KRTAP13-2: variants seen among roughly 807,000 people sequenced by gnomAD.
KRTAP13-2 encodes the protein keratin associated protein 13-2.
For synonymous variants in KRTAP13-2, 92 were observed against 87.4 expected (o/e 1.05, Z -0.30); for missense variants, 231 against 212.4 (o/e 1.09, Z -0.55).
chr21:30,372,007 G>A lies in KRTAP13-2; in HGVS notation c.207C>T (p.Ser69=). 6.2e-7 allele frequency: 1 copy of A among 1,614,036 alleles called. No individual in the cohort carries two copies. Among genetic ancestry groups the A allele is most frequent in the Non-Finnish European group, 8.5e-7 (1 of 1,179,928 alleles). Residue 69 remains serine, a synonymous_variant, in exon 1 of 1, where the codon TCC becomes TCT. Coordinates refer to ENST00000399889, the MANE Select transcript of KRTAP13-2 (RefSeq NM_181621.4). ...ICWEPTSCQT[S]YVESSPCQTS... Reference sequence around the variant, plus strand: ...TCTGGCAGGGGCTGGACTCCACATAGGACGTCTGGCAGCTGGTGGGCTCCC... The same window carrying A: ...TCTGGCAGGGGCTGGACTCCACATAAGACGTCTGGCAGCTGGTGGGCTCCC...
In KRTAP13-2 at chr21:30,372,183, A is replaced by G. The variant is rs577128231; in HGVS notation, c.31T>C (p.Ser11Pro). Reference sequence around the variant, plus strand: ...AGGTAGTCACCACAGGAGCGGGAGGAGAAGTTTCCAGAGCAGCAGTTGTAG... The same window carrying G: ...AGGTAGTCACCACAGGAGCGGGAGGGGAAGTTTCCAGAGCAGCAGTTGTAG... MSYNCCSGNF[S>P]SRSCGDYLRY... Residue 11 changes from serine to proline, a missense_variant, in exon 1 of 1, where the codon TCC (serine) becomes CCC (proline). Coordinates refer to ENST00000399889, the MANE Select transcript of KRTAP13-2 (RefSeq NM_181621.4). 23 of 1,613,792 alleles carry G rather than the reference A, an allele frequency of 1.4e-5. No individual in the cohort carries two copies. The highest frequency in any genetic ancestry group is 3.3e-5 in the South Asian group (3 of 91,058).
chr21:30,371,822 C>G lies in KRTAP13-2; in HGVS notation c.392G>C (p.Gly131Ala), dbSNP rs1019280712. ...GCGSSGVRSL[G>A]YGSCGFPSLG... The stretch of plus-strand genomic sequence containing the variant: ...GGAAGGGAAGCCACAGCTTCCATAA[C>G]CCAGGGATCTGACACCACTGGACCC... The change falls in exon 1 of 1, where the codon GGT becomes GCT. Residue 131 changes from glycine to alanine, a missense_variant. Physicochemically the swap from Gly to Ala is moderately conservative, Grantham distance 60 (BLOSUM62 0). Transcript: ENST00000399889. The G allele has an allele frequency of 1.9e-6, 3 of 1,613,982 alleles. No individual in the cohort carries two copies. In the Admixed American group the frequency reaches 5.0e-5, roughly 27 times the overall value.
At chr21:30,372,169 A>T in the KRTAP13-2 span, 32 of 1,614,084 alleles carry the variant, frequency 2.0e-5, no homozygotes, top group East Asian at 7.1e-4. Context: ...GGTAGTCACC[A>T]CAGGAGCGGG....
In KRTAP13-2 at chr21:30,371,648, G is replaced by C; in HGVS notation, c.*38C>G. Reference sequence around the variant, plus strand: ...GAAATGCCTATGATAACAGCTCTACGTAGAGACTGAGACACTTTGCTTAAA... The same window carrying C: ...GAAATGCCTATGATAACAGCTCTACCTAGAGACTGAGACACTTTGCTTAAA... On this transcript the variant is annotated 3_prime_UTR_variant, in exon 1 of 1. Coordinates refer to ENST00000399889, the MANE Select transcript of KRTAP13-2 (RefSeq NM_181621.4). 6.3e-7 allele frequency: 1 copy of C among 1,588,280 alleles called. No individual in the cohort carries two copies. The highest frequency in any genetic ancestry group is 8.6e-7 in the Non-Finnish European group (1 of 1,165,068).
chr21:30,372,128 G>A lies in KRTAP13-2; in HGVS notation c.86C>T (p.Ser29Phe). The A allele has an allele frequency of 6.2e-7, 1 of 1,614,182 alleles. No individual in the cohort carries two copies. The highest frequency in any genetic ancestry group is 1.1e-5 in the South Asian group (1 of 91,090). Reference protein sequence around the residue: ...LRYPASSRGFSYPSNLVYSTD... With the variant: ...LRYPASSRGFFYPSNLVYSTD... ...GCTGTAGACCAGATTGCTGGGGTAG[G>A]AAAAGCCACGTGAGGATGCTGGGTA... The change falls in exon 1 of 1, where the codon TCC becomes TTC. Residue 29 changes from serine (S) to phenylalanine (F), a missense_variant. Physicochemically the swap from Ser to Phe is radical, Grantham distance 155. Transcript: ENST00000399889.
Position 30,371,493 on chromosome 21 carries a change from T to C in KRTAP13-2, c.*193A>G, listed in dbSNP as rs1309934835. 3.5e-6 allele frequency: 2 copies of C among 568,762 alleles called. No homozygotes were observed. Among genetic ancestry groups the C allele is most frequent in the Non-Finnish European group, 6.2e-6 (2 of 322,882 alleles). 35.2% of individuals were successfully genotyped at this position (568,762 alleles called of 1,614,324 possible). ...TAACGAATCACTTGTTTCAAAATTATAGACATTTGACTCTATATTTTGCTC... is the reference window on the plus strand; with the variant it reads ...TAACGAATCACTTGTTTCAAAATTACAGACATTTGACTCTATATTTTGCTC... On this transcript the variant is annotated 3_prime_UTR_variant, in exon 1 of 1. Transcript: ENST00000399889.
rs1263202347 is a variant in KRTAP13-2, at chr21:30,372,256, T to G, written c.-43A>C. The G allele has an allele frequency of 2.5e-6, 4 of 1,572,876 alleles. No homozygotes were observed. Among genetic ancestry groups the G allele is most frequent in the Non-Finnish European group, 3.5e-6 (4 of 1,157,086 alleles). On this transcript the variant is annotated 5_prime_UTR_variant, in exon 1 of 1. Transcript: ENST00000399889. The stretch of plus-strand genomic sequence containing the variant: ...GTTCAGCTGAGTTATAGTGGAAAGA[T>G]TCTCTGAGTTTGAATGTCATAGTCT...
rs1030788412 is a variant in KRTAP13-2 at position 30,371,597 on chromosome 21, G to T, written c.*89C>A. Reference sequence around the variant, plus strand: ...CCAGAGAAAGGATGAAGAGCTAGTAGTAAGAGGGGTTAGCTCACATTGCTG... The same window carrying T: ...CCAGAGAAAGGATGAAGAGCTAGTATTAAGAGGGGTTAGCTCACATTGCTG... On this transcript the variant is annotated 3_prime_UTR_variant, in exon 1 of 1. Transcript: ENST00000399889. 2.4e-6 allele frequency: 3 copies of T among 1,254,290 alleles called. No individual in the cohort carries two copies. The highest frequency in any genetic ancestry group is 3.4e-6 in the Non-Finnish European group (3 of 889,538). 77.7% of individuals were successfully genotyped at this position (1,254,290 alleles called of 1,614,324 possible).
Position 30,371,993 on chromosome 21 carries a change from C to T in KRTAP13-2, c.221G>A (p.Ser74Asn). The T allele has an allele frequency of 1.2e-6, 2 of 1,614,048 alleles. No individual in the cohort carries two copies. The highest frequency in any genetic ancestry group is 2.2e-5 in the East Asian group (1 of 44,864). The change falls in exon 1 of 1, where the codon AGC becomes AAC. Residue 74 changes from serine to asparagine, a missense_variant. By Grantham distance (46) the Ser-to-Asn change is conservative. Transcript: ENST00000399889. The part of the protein sequence containing the change: ...TSCQTSYVES[S>N]PCQTSCYRPR... ...GCGGTAGCAGGAGGTCTGGCAGGGGCTGGACTCCACATAGGACGTCTGGCA... is the reference window on the plus strand; with the variant it reads ...GCGGTAGCAGGAGGTCTGGCAGGGGTTGGACTCCACATAGGACGTCTGGCA...
Position 30,371,534 on chromosome 21 carries a change from A to C in KRTAP13-2, c.*152T>G. 1 of 707,782 alleles carries C rather than the reference A, an allele frequency of 1.4e-6. No homozygotes were observed. 43.8% of individuals were successfully genotyped at this position (707,782 alleles called of 1,614,324 possible). A position where few individuals can be genotyped will look rare whatever the true frequency, so the allele number is the denominator to read the frequency against. ...TATTTTGCTCATTCATTAATTTCAC[A>C]GTCTGAAAGAACTAGCCTGTCCAGC... On this transcript the variant is annotated 3_prime_UTR_variant, in exon 1 of 1. Transcript: ENST00000399889.
rs113118005 is a variant in KRTAP13-2 at position 30,371,770 on chromosome 21, G to A, written c.444C>T (p.Arg148=). The change falls in exon 1 of 1, where the codon CGC becomes CGT. Residue 148 remains arginine, a synonymous_variant. Coordinates refer to ENST00000399889, the MANE Select transcript of KRTAP13-2 (RefSeq NM_181621.4). Reference sequence around the variant, plus strand: ...AGCTCCTAGAAGCCAAGTAGGTTGGGCGGCAGAATCCAGATCCATAGCCGA... The same window carrying A: ...AGCTCCTAGAAGCCAAGTAGGTTGGACGGCAGAATCCAGATCCATAGCCGA... ...PSLGYGSGFC[R]PTYLASRSCQ... is the part of the protein sequence containing the mutation. 1.5e-4 allele frequency: 250 copies of A among 1,614,166 alleles called. No homozygotes were observed. In the African/African-American group the frequency reaches 2.9e-3, roughly 19 times the overall value.
Position 30,372,200 on chromosome 21 carries a change from C to A in KRTAP13-2, c.14G>T (p.Cys5Phe). ...GCGGGAGGAGAAGTTTCCAGAGCAG[C>A]AGTTGTAGGACATGTTGACGGGAGA... is the stretch of plus-strand genomic sequence containing the variant. MSYN[C>F]CSGNFSSRSC... The change falls in exon 1 of 1, where the codon TGC (cysteine) becomes TTC (phenylalanine). Residue 5 changes from cysteine to phenylalanine, a missense_variant. By Grantham distance (205) the Cys-to-Phe change is radical. Coordinates refer to ENST00000399889, the MANE Select transcript of KRTAP13-2 (RefSeq NM_181621.4). 5 of 1,612,930 alleles carry A rather than the reference C, an allele frequency of 3.1e-6. No homozygotes were observed. The highest frequency in any genetic ancestry group is 4.2e-6 in the Non-Finnish European group (5 of 1,179,308).
In KRTAP13-2 at chr21:30,371,550, C is replaced by G; in HGVS notation, c.*136G>C. 2 of 819,318 alleles carry G rather than the reference C, an allele frequency of 2.4e-6. No individual in the cohort carries two copies. The highest frequency in any genetic ancestry group is 3.9e-6 in the Non-Finnish European group (2 of 518,008). 50.8% of individuals were successfully genotyped at this position (819,318 alleles called of 1,614,324 possible). A position where few individuals can be genotyped will look rare whatever the true frequency, so the allele number is the denominator to read the frequency against. The stretch of plus-strand genomic sequence containing the variant: ...TAATTTCACAGTCTGAAAGAACTAG[C>G]CTGTCCAGCCAGTACTTGATGCCAG... On this transcript the variant is annotated 3_prime_UTR_variant, in exon 1 of 1. Coordinates refer to ENST00000399889, the MANE Select transcript of KRTAP13-2 (RefSeq NM_181621.4).
rs764105938 is a variant in KRTAP13-2 at position 30,371,672 on chromosome 21, A to T, written c.*14T>A. ...CGTAGAGACTGAGACACTTTGCTTA[A>T]AAGGTCTGGAAATTCAGCAAGTTGA... is the stretch of plus-strand genomic sequence containing the variant. On this transcript the variant is annotated 3_prime_UTR_variant, in exon 1 of 1. Transcript: ENST00000399889. The T allele has an allele frequency of 1.2e-6, 2 of 1,609,330 alleles. No homozygotes were observed. The highest frequency in any genetic ancestry group is 1.7e-6 in the Non-Finnish European group (2 of 1,177,278).
chr21:30,371,811 A>ATGAG, the KRTAP13-2 span: 1 of 1,614,020 alleles, frequency 6.2e-7, no homozygotes, highest in Non-Finnish European at 8.5e-7. Flanking sequence ...GGGAAGCCAC[A>ATGAG]GCTTCCATAA....
Position 30,372,048 on chromosome 21 carries a change from A to T in KRTAP13-2, c.166T>A (p.Cys56Ser), listed in dbSNP as rs752992405. 27 of 1,614,058 alleles carry T rather than the reference A, an allele frequency of 1.7e-5. No individual in the cohort carries two copies. The highest frequency in any genetic ancestry group is 2.7e-5 in the African/African-American group (2 of 74,930). ...CQLGSSLYRGCQEICWEPTSC... is the reference protein window; with the variant it reads ...CQLGSSLYRGSQEICWEPTSC... The stretch of plus-strand genomic sequence containing the variant: ...GTGGGCTCCCAGCAGATCTCCTGAC[A>T]GCCCCTATAGAGAGAGGAACCCAGC... The change falls in exon 1 of 1, where the codon TGT becomes AGT. Residue 56 changes from cysteine to serine, a missense_variant. Transcript: ENST00000399889.
Position 30,372,112 on chromosome 21 carries a change from C to A in KRTAP13-2, c.102G>T (p.Leu34=). The change falls in exon 1 of 1, where the codon CTG becomes CTT. Residue 34 remains leucine (L), a synonymous_variant. Transcript: ENST00000399889. ...SSRGFSYPSN[L]VYSTDLCSPS... The stretch of plus-strand genomic sequence containing the variant: ...GAGAGCAGAGGTCAGTGCTGTAGAC[C>A]AGATTGCTGGGGTAGGAAAAGCCAC... 6.2e-7 allele frequency: 1 copy of A among 1,614,144 alleles called. No homozygotes were observed.
At position 30,371,623 on chromosome 21, in the gene KRTAP13-2, GAA is replaced by G. The variant is rs1982898423; in HGVS notation, c.*61_*62del. 1.3e-6 allele frequency: 2 copies of G among 1,498,702 alleles called. No homozygotes were observed. The allele number at this position is 1,498,702 out of a possible 1,614,324, so 92.8% of individuals were successfully genotyped here. On this transcript the variant is annotated 3_prime_UTR_variant, in exon 1 of 1. Coordinates refer to ENST00000399889, the MANE Select transcript of KRTAP13-2 (RefSeq NM_181621.4). Reference sequence around the variant, plus strand: ...TAAGAGGGGTTAGCTCACATTGCTGGAAATGCCTATGATAACAGCTCTACGTA... The same window carrying G: ...TAAGAGGGGTTAGCTCACATTGCTGGATGCCTATGATAACAGCTCTACGTA...
In KRTAP13-2 at chr21:30,371,565, C is replaced by A; in HGVS notation, c.*121G>T. The A allele has an allele frequency of 1.0e-6, 1 of 982,886 alleles. No homozygotes were observed. The highest frequency in any genetic ancestry group is 2.4e-5 in the East Asian group (1 of 40,904). The allele number at this position is 982,886 out of a possible 1,614,324, so 60.9% of individuals were successfully genotyped here. On this transcript the variant is annotated 3_prime_UTR_variant, in exon 1 of 1. Coordinates refer to ENST00000399889, the MANE Select transcript of KRTAP13-2 (RefSeq NM_181621.4). The stretch of plus-strand genomic sequence containing the variant: ...AAAGAACTAGCCTGTCCAGCCAGTA[C>A]TTGATGCCAGAGAAAGGATGAAGAG...
Sources: gnomAD v4.1 joint callset for allele counts on GRCh38, gnomAD v4.1.1 for gene constraint, MANE v1.5 for transcripts, NCBI Gene and HGNC (gene_info 2026-07-23, HGNC 2026-07-21) for gene names.